Variants in SS18L2 observed in about 807,000 individuals in gnomAD.
The protein encoded by SS18L2 is SS18-like protein 2.
Under a neutral mutation model 10.3 loss-of-function variants are expected in SS18L2, and 8 were observed. The ratio of observed to expected loss-of-function variants is 0.78; its 90% CI spans 0.46 to 1.41. SS18L2 has a LOEUF of 1.41. Ranked by LOEUF, SS18L2 falls within the 40% of genes most tolerant of loss-of-function variation. The pLI, the probability that SS18L2 is intolerant of heterozygous loss-of-function variation, is 0.00. For synonymous variants in SS18L2, 41 were observed against 34.6 expected (o/e 1.19, Z -0.65); for missense variants, 100 against 96.2 (o/e 1.04, Z -0.17).
At chr3:42,584,001 T>C (rs1051328986) in intron 1 of SS18L2, among the ~76,000 whole-genome samples, 4 of 152,212 alleles carry the variant, frequency 2.6e-5, no homozygotes, top group African/African-American at 9.6e-5. Flanking sequence ...GACAGGGTAG[T>C]CTTGAACTGA....
intron 1 of SS18L2, 142 bp from the exon 2 acceptor site, chr3:42,591,383 T>C: frequency 1.6e-6 from 1 of 640,798 alleles, no homozygotes; most frequent in Non-Finnish European, 2.8e-6. Context: ...ATTTTTAGTA[T>C]GGGGTTTCCC....
chr3:42,582,528 C>T (rs1704452650), intron 1 of SS18L2, among the ~76,000 whole-genome samples: 1 of 152,258 alleles, frequency 6.6e-6, no homozygotes, highest in African/African-American at 2.4e-5. Context: ...CAGAGTCCGT[C>T]CATTTATTCA....
At chr3:42,587,095 C>G (rs138249291), upstream of SS18L2, among the ~76,000 whole-genome samples, 2 of 152,208 alleles carry the variant, frequency 1.3e-5, no homozygotes, top group Non-Finnish European at 2.9e-5. Flanking sequence ...CTATCTCTGG[C>G]CTGCATGCTT....
At chr3:42,588,071 C>A (rs1704682690), upstream of SS18L2, among the ~76,000 whole-genome samples, 1 of 148,186 alleles carries the variant, frequency 6.7e-6, no homozygotes, top group Non-Finnish European at 1.5e-5. Context: ...GAAACTGTCT[C>A]AAAAAAACAA....
upstream of SS18L2, among the ~76,000 whole-genome samples, chr3:42,586,047 A>T (rs1408711081): frequency 2.6e-5 from 4 of 151,784 alleles, no homozygotes; most frequent in East Asian, 7.7e-4. Flanking sequence ...TCCAGCTACC[A>T]CCTTCTTTCC....
chr3:42,590,992 C>A, intron 1 of SS18L2, 26 bp downstream of exon 1: 2 of 73,560 alleles, frequency 2.7e-5, no homozygotes, highest in Non-Finnish European at 4.3e-5. Context: ...GGCGGGCGGG[C>A]GGGCGGAGAG....
chr3:42,587,565 G>GA (rs34952650), upstream of SS18L2: 168 of 142,796 alleles, frequency 1.2e-3, no homozygotes, highest in Admixed American at 1.5e-3. Flanking sequence ...CGTCTCTACT[G>GA]AAAAAAAAAA....
Position 42,594,654 on chromosome 3 carries a change from G to C in SS18L2, c.*145G>C. On this transcript the variant is annotated 3_prime_UTR_variant, in exon 3 of 3. Transcript: ENST00000011691. ...GAAACCTCTGTGGCTCTTTCGAAACGTGAAAATGTGAAGAAAGCTACTAAC... is the reference window on the plus strand; with the variant it reads ...GAAACCTCTGTGGCTCTTTCGAAACCTGAAAATGTGAAGAAAGCTACTAAC... 1.7e-6 allele frequency: 1 copy of C among 592,480 alleles called. No individual in the cohort carries two copies. The highest frequency in any genetic ancestry group is 2.9e-6 in the Non-Finnish European group (1 of 341,194). The allele number at this position is 592,480 out of a possible 1,614,324, so 36.7% of individuals were successfully genotyped here.
chr3:42,591,687 G>C, intron 2 of SS18L2, 86 bp downstream of exon 2: 1 of 967,998 alleles, frequency 1.0e-6, no homozygotes, highest in Non-Finnish European at 1.7e-6. Context: ...AAGAGTCTTG[G>C]GTGATTGATC....
upstream of SS18L2, among the ~76,000 whole-genome samples, chr3:42,589,194 G>A (rs750670547): frequency 2.0e-5 from 3 of 151,116 alleles, no homozygotes; most frequent in African/African-American, 7.3e-5. Flanking sequence ...GCTTGAACCC[G>A]GGAGGCAGAG....
rs1705013838 is a variant in SS18L2, at chr3:42,595,939, CAT to C, written c.*1431_*1432del. ...AGATAACGTGGTTGAGAACTGGGCACATGTTAATCTATGTTAGCACTAATGTG... is the reference window on the plus strand; with the variant it reads ...AGATAACGTGGTTGAGAACTGGGCACGTTAATCTATGTTAGCACTAATGTG... On this transcript the variant is annotated 3_prime_UTR_variant, in exon 3 of 3. Transcript: ENST00000011691. 6.6e-6 allele frequency among the ~76,000 whole-genome samples: 1 copy of C among 152,214 alleles called. No homozygotes were observed. The highest frequency in any genetic ancestry group is 1.5e-5 in the Non-Finnish European group (1 of 68,030).
Position 42,590,927 on chromosome 3 carries a change from G to A in SS18L2, c.30G>A (p.Leu10=). 1.9e-6 allele frequency: 3 copies of A among 1,613,446 alleles called. No homozygotes were observed. The highest frequency in any genetic ancestry group is 2.5e-6 in the Non-Finnish European group (3 of 1,179,790). The change falls in exon 1 of 3, where the codon CTG becomes CTA. Residue 10 remains leucine (L), a synonymous_variant. Coordinates refer to ENST00000011691, the MANE Select transcript of SS18L2 (RefSeq NM_001370300.1). MSVAFVPDW[L]RGKAEVNQET... Reference sequence around the variant, plus strand: ...CGGTGGCCTTCGTACCGGACTGGCTGAGGGGCAAGGCGGAAGTCAATCAAG... The same window carrying A: ...CGGTGGCCTTCGTACCGGACTGGCTAAGGGGCAAGGCGGAAGTCAATCAAG...
chr3:42,594,316 G>C (rs1704963010), intron 2 of SS18L2, 106 bp from the exon 3 acceptor site: 7 of 775,646 alleles, frequency 9.0e-6, no homozygotes, highest in Middle Eastern at 2.4e-4. Context: ...GAATCATCCA[G>C]TCAGTGGATG....
At chr3:42,584,432 T>C (rs1159490157) in intron 1 of SS18L2, among the ~76,000 whole-genome samples, 1 of 152,144 alleles carries the variant, frequency 6.6e-6, no homozygotes, top group South Asian at 2.1e-4. Context: ...TTTTTGTATT[T>C]TTAGTAGAGA....
Position 42,590,964 on chromosome 3 carries a change from C to T in SS18L2, c.67C>T (p.Arg23Trp), listed in dbSNP as rs1187913934. ...GGAAGTCAATCAAGAGACTATCCAG[C>T]GGGTGAGCATCCACGCGGGCGGGCG... is the stretch of plus-strand genomic sequence containing the variant. ...KAEVNQETIQ[R>W]LLEENDQLIR... is the part of the protein sequence containing the mutation. Residue 23 changes from arginine (R) to tryptophan (W), a missense_variant and splice_region_variant, in exon 1 of 3, where the codon CGG becomes TGG. By Grantham distance (101) the Arg-to-Trp change is moderately radical (BLOSUM62 -3). Transcript: ENST00000011691. 7.5e-6 allele frequency: 2 copies of T among 266,584 alleles called. No individual in the cohort carries two copies. Among genetic ancestry groups the T allele is most frequent in the African/African-American group, 4.3e-5 (1 of 23,504 alleles). 16.5% of individuals were successfully genotyped at this position (266,584 alleles called of 1,614,324 possible). A position where few individuals can be genotyped will look rare whatever the true frequency, so the allele number is the denominator to read the frequency against.
In SS18L2 at chr3:42,594,757, C is replaced by A. The variant is rs1379037521; in HGVS notation, c.*248C>A. The A allele has an allele frequency of 1.2e-5, 4 of 324,542 alleles. No homozygotes were observed. The highest frequency in any genetic ancestry group is 2.1e-5 in the African/African-American group (1 of 46,674). 20.1% of individuals were successfully genotyped at this position (324,542 alleles called of 1,614,324 possible). A position where few individuals can be genotyped will look rare whatever the true frequency, so the allele number is the denominator to read the frequency against. The stretch of plus-strand genomic sequence containing the variant: ...TAAGTTGAGCCCAGGTGTCCTCTTT[C>A]CTGAACTTGGAGCATGTTTGGATAA... On this transcript the variant is annotated 3_prime_UTR_variant, in exon 3 of 3. Coordinates refer to ENST00000011691, the MANE Select transcript of SS18L2 (RefSeq NM_001370300.1).
upstream of SS18L2, among the ~76,000 whole-genome samples, chr3:42,586,288 C>A (rs1704605743): frequency 6.6e-6 from 1 of 152,156 alleles, no homozygotes; most frequent in African/African-American, 2.4e-5. Flanking sequence ...TGCAATGGCA[C>A]TGAGGCTTAC....
upstream of SS18L2, among the ~76,000 whole-genome samples, chr3:42,586,911 C>A (rs1037926598): frequency 1.3e-5 from 2 of 152,198 alleles, no homozygotes; most frequent in African/African-American, 2.4e-5. Flanking sequence ...AGCATCTCCC[C>A]CACTGTTCCC....
chr3:42,586,001 A>C (rs1704599372), upstream of SS18L2, among the ~76,000 whole-genome samples: 1 of 151,646 alleles, frequency 6.6e-6, no homozygotes, highest in African/African-American at 2.4e-5. Flanking sequence ...GCAACCATCA[A>C]AGTGATGTCC....
Sources: gnomAD v4.1 joint callset for allele counts (sites outside exome capture counted in the v4.1 genomes callset) on GRCh38, gnomAD v4.1.1 for gene constraint, MANE v1.5 for transcripts, NCBI Gene and HGNC (gene_info 2026-07-23, HGNC 2026-07-21) for gene names.